NLGN1: variants seen among roughly 807,000 people sequenced by gnomAD.
NLGN1 encodes the protein neuroligin 1.
NLGN1 carries 12 observed loss-of-function variants against 65.5 expected under a neutral mutation model. That is an observed-to-expected ratio of 0.18 (90% confidence interval 0.12 to 0.30). The LOEUF (loss-of-function observed/expected upper bound fraction) is 0.30, where lower values mean the gene tolerates loss of function less well. NLGN1 is among the 10% of genes least tolerant of loss of function. The probability of loss-of-function intolerance (pLI) is 1.00; values close to 1 mark genes in which losing one functional copy is unlikely to be tolerated. For synonymous variants in NLGN1, 350 were observed against 359.5 expected (o/e 0.97, Z 0.30); for missense variants, 750 against 1,007.1 (o/e 0.74, Z 3.46).
At chr3:174,211,255 G>T (rs995022011) in intron 4 of NLGN1, among the ~76,000 whole-genome samples, 2 of 152,120 alleles carry the variant, frequency 1.3e-5, no homozygotes, top group Non-Finnish European at 2.9e-5. Flanking sequence ...CTGGCAGCCT[G>T]CTTTTATTCT....
At chr3:173,818,531 C>T (rs1020969013) in intron 4 of NLGN1, among the ~76,000 whole-genome samples, 1 of 152,018 alleles carries the variant, frequency 6.6e-6, no homozygotes, top group Non-Finnish European at 1.5e-5. Flanking sequence ...GACAAACAAA[C>T]AGACCACCCA....
chr3:174,076,260 A>T (rs1336418599), intron 4 of NLGN1, among the ~76,000 whole-genome samples: 1 of 152,170 alleles, frequency 6.6e-6, no homozygotes, highest in African/African-American at 2.4e-5. Context: ...ATATGTATAT[A>T]TGAAAAGAAA....
At chr3:173,608,073 A>T (rs1751666930) in intron 3 of NLGN1, among the ~76,000 whole-genome samples, 1 of 151,872 alleles carries the variant, frequency 6.6e-6, no homozygotes, top group Admixed American at 6.6e-5. Flanking sequence ...AACTTTACAA[A>T]GAGCAAAGTA....
intron 4 of NLGN1, among the ~76,000 whole-genome samples, chr3:174,018,424 C>A (rs1307391550): frequency 1.3e-5 from 2 of 152,050 alleles, no homozygotes; most frequent in Non-Finnish European, 2.9e-5. Context: ...ATGAAATCTT[C>A]ACAATTTATG....
the NLGN1 span, among the ~76,000 whole-genome samples, chr3:174,291,847 T>A: frequency 1.1e-4 from 17 of 151,334 alleles, no homozygotes; most frequent in African/African-American, 3.9e-4. Flanking sequence ...GAGGGCTATA[T>A]GGTGGAGTAC....
At chr3:174,148,960 C>T (rs1723841744) in intron 4 of NLGN1, among the ~76,000 whole-genome samples, 1 of 152,144 alleles carries the variant, frequency 6.6e-6, no homozygotes, top group South Asian at 2.1e-4. Context: ...AACAATAGGA[C>T]ACATTTTTTT....
At chr3:174,036,786 G>T (rs1731229827) in intron 4 of NLGN1, among the ~76,000 whole-genome samples, 1 of 151,900 alleles carries the variant, frequency 6.6e-6, no homozygotes, top group African/African-American at 2.4e-5. Flanking sequence ...CCCAGTGTGT[G>T]GGGTTCCCCT....
chr3:174,090,459 C>G (rs1239873831), intron 4 of NLGN1, among the ~76,000 whole-genome samples: 1 of 151,684 alleles, frequency 6.6e-6, no homozygotes, highest in African/African-American at 2.4e-5. Flanking sequence ...GGGGACAGAG[C>G]GAGACTCTGT....
intron 4 of NLGN1, among the ~76,000 whole-genome samples, chr3:174,088,911 C>T (rs951825267): frequency 1.3e-5 from 2 of 151,936 alleles, no homozygotes; most frequent in African/African-American, 4.8e-5. Context: ...TTGGTCTCTG[C>T]AGAGTACCTA....
intron 4 of NLGN1, among the ~76,000 whole-genome samples, chr3:173,974,367 C>G (rs371238235): frequency 6.6e-6 from 1 of 151,968 alleles, no homozygotes; most frequent in Non-Finnish European, 1.5e-5. Flanking sequence ...TTATAACACA[C>G]ATTTACTTTT....
At chr3:174,016,681 T>G (rs1304176464) in intron 4 of NLGN1, among the ~76,000 whole-genome samples, 1 of 152,196 alleles carries the variant, frequency 6.6e-6, no homozygotes, top group African/African-American at 2.4e-5. Context: ...ATTGCAGTTT[T>G]TGCCATTAAA....
At chr3:173,502,539 TGA>T (rs1402384559) in intron 2 of NLGN1, among the ~76,000 whole-genome samples, 1 of 152,178 alleles carries the variant, frequency 6.6e-6, no homozygotes, top group African/African-American at 2.4e-5. Flanking sequence ...GTTTTCTTCA[TGA>T]GCACACGTTT....
chr3:173,492,029 G>A (rs533962805), intron 2 of NLGN1, among the ~76,000 whole-genome samples: 5 of 151,930 alleles, frequency 3.3e-5, no homozygotes, highest in Admixed American at 3.3e-4. Context: ...AAGCAAGATA[G>A]TGGGTAAAGG....
At chr3:173,716,288 C>A (rs1055517748) in intron 3 of NLGN1, among the ~76,000 whole-genome samples, 8 of 152,028 alleles carry the variant, frequency 5.3e-5, no homozygotes, top group South Asian at 2.1e-4. Flanking sequence ...TAGATATATT[C>A]ATTTTACTTA....
intron 4 of NLGN1, among the ~76,000 whole-genome samples, chr3:174,087,037 G>A (rs1358683107): frequency 6.6e-6 from 1 of 152,106 alleles, no homozygotes; most frequent in Non-Finnish European, 1.5e-5. Flanking sequence ...ACCAAACACT[G>A]CGCATTCTCA....
intron 4 of NLGN1, among the ~76,000 whole-genome samples, chr3:173,816,394 T>C (rs1314444785): frequency 6.6e-6 from 1 of 152,302 alleles, no homozygotes; most frequent in South Asian, 2.1e-4. Flanking sequence ...ACAGGCTAAA[T>C]AGCATTCAGT....
At chr3:174,276,687 T>C (rs1306780094) in intron 5 of NLGN1, among the ~76,000 whole-genome samples, 2 of 151,928 alleles carry the variant, frequency 1.3e-5, no homozygotes, top group Non-Finnish European at 2.9e-5. Flanking sequence ...ATATATAGAC[T>C]CAATTTATTA....
intron 2 of NLGN1, among the ~76,000 whole-genome samples, chr3:173,580,884 G>A (rs1746288259): frequency 6.7e-6 from 1 of 148,996 alleles, no homozygotes; most frequent in Non-Finnish European, 1.5e-5. Flanking sequence ...AGGAAACTAA[G>A]GATTTGTGGT....
At chr3:174,136,619 G>GGT (rs1341456009) in intron 4 of NLGN1, 1 of 152,048 alleles carries the variant, frequency 6.6e-6, no homozygotes, top group Non-Finnish European at 1.5e-5. Flanking sequence ...CTGTTCATTA[G>GGT]GTTCAGGGTA....
Sources: gnomAD v4.1 joint callset for allele counts (sites outside exome capture counted in the v4.1 genomes callset) on GRCh38, gnomAD v4.1.1 for gene constraint, MANE v1.5 for transcripts, NCBI Gene and HGNC (gene_info 2026-07-23, HGNC 2026-07-21) for gene names.